Variants in PCDHGB2 observed in about 807,000 individuals in gnomAD.
PCDHGB2 encodes protocadherin gamma-B2.
Under a neutral mutation model 59.3 loss-of-function variants are expected in PCDHGB2, and 55 were observed. The observed-to-expected ratio is 0.93, with a 90% CI of 0.75 to 1.16. The LOEUF is 1.16. Ranked by LOEUF, PCDHGB2 falls within the 50% of genes most tolerant of loss-of-function variation. The pLI, the probability that PCDHGB2 is intolerant of heterozygous loss-of-function variation, is 0.00. For synonymous variants in PCDHGB2, 516 were observed against 512.0 expected, an observed-to-expected ratio of 1.01 and a Z score of -0.11; for missense variants, 1,228 against 1,198.5, an observed-to-expected ratio of 1.02 and a Z score of -0.36.
At chr5:141,400,773 T>A in intron 1 of PCDHGB2, 1 of 572,450 alleles carries the variant, frequency 1.7e-6, no homozygotes, top group East Asian at 2.9e-5. Flanking sequence ...AAACATTTGG[T>A]GCGTTTTTTT....
At chr5:141,416,434 A>G (rs2096024040) in intron 1 of PCDHGB2, 1 of 152,222 alleles carries the variant, frequency 6.6e-6, no homozygotes, top group African/African-American at 2.4e-5. Context: ...CTAAGGCTGA[A>G]AGTAAATATG....
chr5:141,510,272 TAAA>T (rs546154379), intron 3 of PCDHGB2, among the ~76,000 whole-genome samples: 2 of 130,370 alleles, frequency 1.5e-5, no homozygotes, highest in Non-Finnish European at 3.3e-5. Context: ...GACTCCATCT[TAAA>T]AAAAAAAAAA....
At position 141,360,425 on chromosome 5, in the gene PCDHGB2, G is replaced by A; in HGVS notation, c.290G>A (p.Gly97Glu). Residue 97 changes from glycine to glutamate, a missense_variant, in exon 1 of 4, where the codon GGG (glycine) becomes GAG (glutamate). Transcript: ENST00000522605. The stretch of plus-strand genomic sequence containing the variant: ...AGAATAGACCGAGAACAGATATGCG[G>A]GAAGCAGCCTCTGTGTGTTCTGGAT... ...SDRIDREQICGKQPLCVLDFD... is the reference protein window; with the variant it reads ...SDRIDREQICEKQPLCVLDFD... The A allele has an allele frequency of 6.2e-7, 1 of 1,613,966 alleles. No individual in the cohort carries two copies. Among genetic ancestry groups the A allele is most frequent in the Non-Finnish European group, 8.5e-7 (1 of 1,179,880 alleles).
Position 141,364,556 on chromosome 5 carries a change from G to A in PCDHGB2, c.2421+2000G>A, listed in dbSNP as rs917886359. On this transcript the variant is annotated intron_variant, in intron 1 of 3. Coordinates refer to ENST00000522605, the MANE Select transcript of PCDHGB2 (RefSeq NM_018923.3). The stretch of plus-strand genomic sequence containing the variant: ...CTCCAGAGGTAGGACGCAGCTTTTT[G>A]CCCTGAACCCGCGAAGCGGCAGCTT... 5 of 1,614,048 alleles carry A rather than the reference G, an allele frequency of 3.1e-6. No homozygotes were observed. In the Admixed American group the frequency reaches 8.3e-5, roughly 27 times the overall value.
intron 1 of PCDHGB2, chr5:141,376,383 A>G: frequency 5.0e-6 from 8 of 1,614,228 alleles, no homozygotes; most frequent in Non-Finnish European, 6.8e-6. Flanking sequence ...CGTAAGAGTC[A>G]TCTGATTTTC....
At chr5:141,404,176 A>C (rs763166170) in intron 1 of PCDHGB2, 2 of 1,613,206 alleles carry the variant, frequency 1.2e-6, no homozygotes, top group African/African-American at 2.7e-5. Context: ...TGACGGCCCA[A>C]ATTCTTGACC....
intron 1 of PCDHGB2, chr5:141,376,624 A>C (rs1350295838): frequency 7.4e-6 from 10 of 1,343,058 alleles, no homozygotes; most frequent in Non-Finnish European, 9.1e-6. Context: ...TTGGTACAGG[A>C]AGATTCGTGA....
chr5:141,431,768 G>T lies in PCDHGB2; in HGVS notation c.2422-63039G>T. 6.2e-7 allele frequency: 1 copy of T among 1,614,218 alleles called. No individual in the cohort carries two copies. The highest frequency in any genetic ancestry group is 8.5e-7 in the Non-Finnish European group (1 of 1,180,036). On this transcript the variant is annotated intron_variant, in intron 1 of 3. Coordinates refer to ENST00000522605, the MANE Select transcript of PCDHGB2 (RefSeq NM_018923.3). The surrounding 1 kb of genome is among the most constrained non-coding windows in gnomAD (Gnocchi z 4.8). ...TGCGCGAGCCAAAGTCCTGATCACT[G>T]TTCTGGACGTGAACGACAATGCCCC...
At chr5:141,394,753 A>G (rs2093084981) in intron 1 of PCDHGB2, 1 of 1,613,278 alleles carries the variant, frequency 6.2e-7, no homozygotes, top group Admixed American at 1.7e-5. Context: ...GTGGCCGTCC[A>G]GGACCATGGC....
intron 1 of PCDHGB2, chr5:141,403,630 G>A (rs2094436948): frequency 3.1e-6 from 5 of 1,613,786 alleles, no homozygotes; most frequent in Middle Eastern, 3.3e-4. Flanking sequence ...CCAGCACAGT[G>A]CGCATCCATG....
At chr5:141,415,772 T>TTTTTTA in intron 1 of PCDHGB2, 1 of 1,332,986 alleles carries the variant, frequency 7.5e-7, no homozygotes, top group Non-Finnish European at 9.6e-7. Flanking sequence ...TTTTTTTTTT[T>TTTTTTA]ACTTTCTGGT....
intron 1 of PCDHGB2, chr5:141,374,097 A>G (rs1277096139): frequency 3.2e-6 from 5 of 1,560,098 alleles, no homozygotes; most frequent in Non-Finnish European, 4.3e-6. Flanking sequence ...GCGCCTCCGC[A>G]GAGGCATCCG....
Position 141,491,414 on chromosome 5 carries a change from G to A in PCDHGB2, c.2422-3393G>A. On this transcript the variant is annotated intron_variant, in intron 1 of 3. Coordinates refer to ENST00000522605, the MANE Select transcript of PCDHGB2 (RefSeq NM_018923.3). The surrounding 1 kb of genome is among the most constrained non-coding windows in gnomAD (Gnocchi z 6.9). ...CTTCAGGGAAACGCAGACGGGGACGGGGGTGGAGGGCAGTGCTGCAGGCGC... is the reference window on the plus strand; with the variant it reads ...CTTCAGGGAAACGCAGACGGGGACGAGGGTGGAGGGCAGTGCTGCAGGCGC... 2 of 1,614,126 alleles carry A rather than the reference G, an allele frequency of 1.2e-6. No individual in the cohort carries two copies. Among genetic ancestry groups the A allele is most frequent in the Non-Finnish European group, 1.7e-6 (2 of 1,180,022 alleles).
At chr5:141,437,650 A>G in intron 1 of PCDHGB2, among the ~76,000 whole-genome samples, 1 of 152,314 alleles carries the variant, frequency 6.6e-6, no homozygotes, top group Non-Finnish European at 1.5e-5. Context: ...AAAAGCAAAC[A>G]CATAGTTTCG....
At chr5:141,407,013 C>T (rs550387003) in intron 1 of PCDHGB2, among the ~76,000 whole-genome samples, 28 of 152,216 alleles carry the variant, frequency 1.8e-4, no homozygotes, top group Middle Eastern at 6.8e-3. Context: ...TTGAAGTTGA[C>T]TCAAAATTCT....
chr5:141,393,111 C>A (rs762190466), intron 1 of PCDHGB2: 1 of 1,613,380 alleles, frequency 6.2e-7, no homozygotes, highest in African/African-American at 1.3e-5. Flanking sequence ...CGCTCAGAGC[C>A]CGCGGTGTCT....
At chr5:141,374,759 G>A (rs761534482) in intron 1 of PCDHGB2, 1 of 1,613,112 alleles carries the variant, frequency 6.2e-7, no homozygotes, top group Non-Finnish European at 8.5e-7. Flanking sequence ...CTCAAGCGTC[G>A]CCCAAATTCT....
At chr5:141,418,149 AAG>A (rs768024698) in intron 1 of PCDHGB2, 1 of 1,613,982 alleles carries the variant, frequency 6.2e-7, no homozygotes, top group Non-Finnish European at 8.5e-7. Flanking sequence ...CAAATATGCA[AAG>A]AGAGAAGAAG....
At chr5:141,372,060 A>T in intron 1 of PCDHGB2, 1 of 1,613,540 alleles carries the variant, frequency 6.2e-7, no homozygotes, top group East Asian at 2.2e-5. Flanking sequence ...GGACGACCGC[A>T]ACGACAATGC....
Sources: gnomAD v4.1 joint callset for allele counts (sites outside exome capture counted in the v4.1 genomes callset) on GRCh38, gnomAD v4.1.1 for gene constraint, Gnocchi (gnomAD v3.1) non-coding constraint, MANE v1.5 for transcripts, NCBI Gene and HGNC (gene_info 2026-07-23, HGNC 2026-07-21) for gene names.